The following RNLS variants were observed in gnomAD, a reference collection of about 807,000 sequenced individuals.
RNLS encodes the protein renalase, FAD dependent amine oxidase.
A neutral mutation model predicts 39.8 loss-of-function variants in RNLS; 39 were observed. The observed-to-expected ratio is 0.98, with a 90% CI of 0.76 to 1.28. The LOEUF is 1.28. Among genes scored for constraint, RNLS ranks in the 50% most tolerant of loss-of-function variants. The pLI is 0.00. For synonymous variants in RNLS, 147 were observed against 150.7 expected (o/e 0.98, Z 0.18); for missense variants, 410 against 413.3 (o/e 0.99, Z 0.07).
At chr10:88,554,459 T>G (rs1848753197) in intron 4 of RNLS, among the ~76,000 whole-genome samples, 1 of 152,076 alleles carries the variant, frequency 6.6e-6, no homozygotes, top group Non-Finnish European at 1.5e-5. Context: ...GAATTGAGTC[T>G]TAGTGCTGCC....
chr10:88,178,842 T>C, the RNLS span, among the ~76,000 whole-genome samples: 1 of 152,170 alleles, frequency 6.6e-6, no homozygotes, highest in Admixed American at 6.6e-5. Flanking sequence ...TATCTGGGGC[T>C]CCCATTAGGA....
the RNLS span, among the ~76,000 whole-genome samples, chr10:88,217,911 G>C: frequency 6.6e-6 from 1 of 151,974 alleles, no homozygotes; most frequent in Admixed American, 6.6e-5. Flanking sequence ...ATGGTGGCAG[G>C]CACCTGTAAT....
intron 4 of RNLS, among the ~76,000 whole-genome samples, chr10:88,375,933 C>T (rs184314759): frequency 2.6e-5 from 4 of 152,012 alleles, no homozygotes; most frequent in African/African-American, 9.6e-5. Context: ...GGGATGGTGG[C>T]AACACAAGCA....
intron 4 of RNLS, among the ~76,000 whole-genome samples, chr10:88,550,444 ATAAT>A (rs1336369931): frequency 6.6e-6 from 1 of 152,230 alleles, no homozygotes; most frequent in Admixed American, 6.5e-5. Context: ...CATTCAATTA[ATAAT>A]TCATTCATTT....
At chr10:88,214,677 A>G in the RNLS span, among the ~76,000 whole-genome samples, 2 of 152,002 alleles carry the variant, frequency 1.3e-5, no homozygotes, top group Admixed American at 6.6e-5. Flanking sequence ...TTTCCATTTT[A>G]TGCCTTATTT....
At chr10:88,576,490 G>A (rs540304783) in intron 3 of RNLS, among the ~76,000 whole-genome samples, 1 of 152,300 alleles carries the variant, frequency 6.6e-6, no homozygotes, top group South Asian at 2.1e-4. Flanking sequence ...ATAGGTTTTA[G>A]TGAGCAGCAG....
chr10:88,287,667 G>A (rs1035658699), intron 6 of RNLS, among the ~76,000 whole-genome samples: 18 of 152,036 alleles, frequency 1.2e-4, no homozygotes, highest in Admixed American at 5.3e-4. Flanking sequence ...AGGAGGCCTC[G>A]AGAAACTTAT....
the RNLS span, among the ~76,000 whole-genome samples, chr10:88,180,173 G>T: frequency 1.3e-5 from 2 of 152,188 alleles, no homozygotes; most frequent in African/African-American, 4.8e-5. Context: ...ATCAAAGCTA[G>T]ATCTGCTTAT....
intron 4 of RNLS, among the ~76,000 whole-genome samples, chr10:88,369,610 T>C (rs1850383745): frequency 6.6e-6 from 1 of 152,168 alleles, no homozygotes; most frequent in Non-Finnish European, 1.5e-5. Flanking sequence ...CTGCTGTTAC[T>C]AGTTCCTAGG....
intron 4 of RNLS, among the ~76,000 whole-genome samples, chr10:88,398,718 C>A (rs1852720603): frequency 6.6e-6 from 1 of 151,912 alleles, no homozygotes; most frequent in Non-Finnish European, 1.5e-5. Context: ...ATTTTCAGGA[C>A]CTTGGCTTAG....
At chr10:88,245,859 A>G in the RNLS span, among the ~76,000 whole-genome samples, 1 of 152,202 alleles carries the variant, frequency 6.6e-6, no homozygotes, top group East Asian at 1.9e-4. Flanking sequence ...TTTGGAAATC[A>G]CGTAACAGGC....
At chr10:88,385,103 G>A (rs1851782126) in intron 4 of RNLS, among the ~76,000 whole-genome samples, 1 of 152,182 alleles carries the variant, frequency 6.6e-6, no homozygotes, top group South Asian at 2.1e-4. Flanking sequence ...CCTGATTTAA[G>A]AATGAGCTCA....
chr10:88,495,313 T>C (rs1031881214), intron 4 of RNLS, among the ~76,000 whole-genome samples: 1 of 152,042 alleles, frequency 6.6e-6, no homozygotes, highest in Non-Finnish European at 1.5e-5. Context: ...TTGAGAAAAA[T>C]AGTCAATAGA....
chr10:88,188,239 T>C, the RNLS span, among the ~76,000 whole-genome samples: 1 of 152,104 alleles, frequency 6.6e-6, no homozygotes, highest in Non-Finnish European at 1.5e-5. Context: ...GTATTTTTAG[T>C]GGAGATGGGG....
At chr10:88,294,783 G>A (rs1396457693) in intron 6 of RNLS, among the ~76,000 whole-genome samples, 1 of 152,070 alleles carries the variant, frequency 6.6e-6, no homozygotes, top group East Asian at 1.9e-4. Flanking sequence ...AAGAATGAAT[G>A]AACACAAGCC....
the RNLS span, among the ~76,000 whole-genome samples, chr10:88,227,257 AG>A: frequency 5.3e-5 from 8 of 152,238 alleles, 1 homozygote; most frequent in Admixed American, 2.6e-4. Flanking sequence ...GCAATGGCTT[AG>A]GGGTAAAGGA....
At chr10:88,283,276 T>A (rs145835092), downstream of RNLS, among the ~76,000 whole-genome samples, 8 of 152,242 alleles carry the variant, frequency 5.3e-5, no homozygotes, top group East Asian at 1.5e-3. Flanking sequence ...ATGATCTACA[T>A]ATCAAGTAGG....
At chr10:88,203,398 A>G in the RNLS span, among the ~76,000 whole-genome samples, 2 of 9,372 alleles carry the variant, frequency 2.1e-4, no homozygotes, top group Non-Finnish European at 4.5e-4. Flanking sequence ...ACGTATGTGT[A>G]TATATATATA....
At chr10:88,173,066 G>A in the RNLS span, among the ~76,000 whole-genome samples, 1 of 151,594 alleles carries the variant, frequency 6.6e-6, no homozygotes, top group Admixed American at 6.6e-5. Flanking sequence ...CACCATGTTA[G>A]CCAGGGTGGT....
Sources: allele counts gnomAD v4.1 joint callset (sites outside exome capture counted in the v4.1 genomes callset), GRCh38; gene constraint gnomAD v4.1.1; transcripts MANE v1.5; gene names NCBI Gene and HGNC (gene_info 2026-07-23, HGNC 2026-07-21).